Variants in RANBP9 observed in about 807,000 individuals in gnomAD.
RANBP9 encodes ran-binding protein 9.
A neutral mutation model predicts 84.3 loss-of-function variants in RANBP9; 15 were observed. The observed-to-expected ratio is 0.18, with a 90% CI of 0.12 to 0.27. RANBP9 has a LOEUF of 0.27. Among genes scored for constraint, RANBP9 ranks in the 10% least tolerant of loss-of-function variants. RANBP9 has a pLI of 1.00. For missense variants in RANBP9, 809 were observed against 912.8 expected (o/e 0.89, Z 1.46); for synonymous variants, 392 against 349.6 (o/e 1.12, Z -1.35).
rs147635155 is a variant in RANBP9 at position 13,632,409 on chromosome 6, T to A, written c.1908A>T (p.Arg636Ser). 2 of 1,612,304 alleles carry A rather than the reference T, an allele frequency of 1.2e-6. No homozygotes were observed. The highest frequency in any genetic ancestry group is 1.7e-6 in the Non-Finnish European group (2 of 1,179,288). Residue 636 changes from arginine to serine, a missense_variant, in exon 12 of 14, where the codon AGA becomes AGT. By Grantham distance (110) the Arg-to-Ser change is moderately radical. Around this residue, in one of 5 missense-constraint regions of RANBP9, gnomAD observed 233 missense variants for 234.4 expected, o/e 0.99. Coordinates refer to ENST00000011619, the MANE Select transcript of RANBP9 (RefSeq NM_005493.3). ...ELQAMSEQLR[R>S]DCGKNTANKK... ...TGTTTGCAGTGTTCTTGCCACAGTC[T>A]CTCCTTAGCTGTTCACTCATTGCTT...
chr6:13,702,584 C>T (rs1401428073), intron 1 of RANBP9, among the ~76,000 whole-genome samples: 1 of 152,170 alleles, frequency 6.6e-6, no homozygotes, highest in Non-Finnish European at 1.5e-5. Context: ...AGAAATGACA[C>T]AGTGGTCTCT....
rs1490844407 is a variant in RANBP9 at position 13,711,269 on chromosome 6, G to A, written c.237C>T (p.Thr79=). 4 of 986,578 alleles carry A rather than the reference G, an allele frequency of 4.1e-6. No homozygotes were observed. The highest frequency in any genetic ancestry group is 6.2e-5 in the Admixed American group (1 of 16,156). The allele number at this position is 986,578 out of a possible 1,614,324, so 61.1% of individuals were successfully genotyped here. ...GCGGCGGCGGGGGCGGCGGGGCCGC[G>A]GTGGCCGGGGGCGGCGGCGGCGGAG... ...LHPPPPPPPA[T]AAPPPPPPPP... Residue 79 remains threonine (T), a synonymous_variant, in exon 1 of 14, where the codon ACC becomes ACT. Transcript: ENST00000011619.
intron 2 of RANBP9, among the ~76,000 whole-genome samples, chr6:13,696,303 C>T (rs1757824175): frequency 6.6e-6 from 1 of 152,156 alleles, no homozygotes; most frequent in Non-Finnish European, 1.5e-5. Flanking sequence ...CCATGGAATT[C>T]TCATTTGGAA....
intron 2 of RANBP9, among the ~76,000 whole-genome samples, chr6:13,675,012 T>C (rs1430736011): frequency 6.6e-6 from 1 of 152,168 alleles, no homozygotes; most frequent in African/African-American, 2.4e-5. Flanking sequence ...TGTCAAAAGA[T>C]GTGAGACAAA....
chr6:13,637,108 C>T (rs1273911149), intron 10 of RANBP9, among the ~76,000 whole-genome samples: 5 of 152,164 alleles, frequency 3.3e-5, no homozygotes, highest in South Asian at 4.1e-4. Context: ...AATAATGTCA[C>T]TTCATGAACT....
chr6:13,634,114 T>G lies in RANBP9; in HGVS notation c.1795+317A>C, dbSNP rs753549971. Among the ~76,000 whole-genome samples the G allele has an allele frequency of 1.2e-4, 18 of 152,198 alleles. 1 individual carries two copies. Among genetic ancestry groups the G allele is most frequent in the Non-Finnish European group, 2.4e-4 (16 of 68,038 alleles). The stretch of plus-strand genomic sequence containing the variant: ...CTTACTGACTATACTGACATAAATA[T>G]AAGAAGTTCTATCATCTCCAACCTA... On this transcript the variant is annotated intron_variant, in intron 11 of 13. Transcript: ENST00000011619.
At chr6:13,673,678 T>C (rs1157835186) in intron 2 of RANBP9, among the ~76,000 whole-genome samples, 3 of 152,108 alleles carry the variant, frequency 2.0e-5, no homozygotes, top group Non-Finnish European at 4.4e-5. Flanking sequence ...GTAAATGGTA[T>C]TTAAAAATGA....
chr6:13,703,278 C>G (rs1051320637), intron 1 of RANBP9, among the ~76,000 whole-genome samples: 7 of 152,146 alleles, frequency 4.6e-5, no homozygotes, highest in Non-Finnish European at 4.4e-5. Flanking sequence ...TCAGGGTCCC[C>G]ATCTTTGGCC....
At chr6:13,633,669 C>T (rs1025097509) in intron 11 of RANBP9, among the ~76,000 whole-genome samples, 1 of 152,156 alleles carries the variant, frequency 6.6e-6, no homozygotes, top group African/African-American at 2.4e-5. Context: ...TCTTCAGAAA[C>T]TGAGGTGGCT....
intron 12 of RANBP9, among the ~76,000 whole-genome samples, chr6:13,631,419 G>A (rs1764778235): frequency 6.6e-6 from 1 of 152,166 alleles, no homozygotes; most frequent in Non-Finnish European, 1.5e-5. Flanking sequence ...TACTAATTGA[G>A]CATCTCTCAT....
At chr6:13,636,166 T>C (rs1764932727) in intron 10 of RANBP9, among the ~76,000 whole-genome samples, 1 of 152,110 alleles carries the variant, frequency 6.6e-6, no homozygotes, top group Non-Finnish European at 1.5e-5. Flanking sequence ...TGGTGGGCGG[T>C]ATCAGGGAAA....
intron 1 of RANBP9, among the ~76,000 whole-genome samples, chr6:13,710,099 C>A (rs1758235198): frequency 6.6e-6 from 1 of 152,070 alleles, no homozygotes; most frequent in Non-Finnish European, 1.5e-5. Context: ...GATTTGCTTC[C>A]AGCTTTGTTT....
At chr6:13,640,263 T>G (rs1032673994) in intron 8 of RANBP9, among the ~76,000 whole-genome samples, 1 of 152,162 alleles carries the variant, frequency 6.6e-6, no homozygotes, top group Non-Finnish European at 1.5e-5. Context: ...GCTTAACAAG[T>G]TGAAATCTGA....
At chr6:13,699,141 C>T (rs1757909699) in intron 1 of RANBP9, among the ~76,000 whole-genome samples, 1 of 152,010 alleles carries the variant, frequency 6.6e-6, no homozygotes, top group South Asian at 2.1e-4. Context: ...AATGTTTACA[C>T]ATTATATACC....
intron 10 of RANBP9, among the ~76,000 whole-genome samples, chr6:13,635,934 C>T (rs1316868671): frequency 1.3e-5 from 2 of 152,006 alleles, no homozygotes; most frequent in African/African-American, 4.8e-5. Flanking sequence ...CAGCCTCTGC[C>T]TTCCTGTAGC....
intron 2 of RANBP9, among the ~76,000 whole-genome samples, chr6:13,669,216 T>C (rs1765719881): frequency 6.6e-6 from 1 of 151,424 alleles, no homozygotes; most frequent in Non-Finnish European, 1.5e-5. Flanking sequence ...GTTGAAAAAA[T>C]GAAAGAACTG....
intron 4 of RANBP9, among the ~76,000 whole-genome samples, chr6:13,654,925 G>A (rs915724285): frequency 3.3e-5 from 5 of 152,178 alleles, no homozygotes; most frequent in Admixed American, 1.3e-4. Context: ...CCAGAACTGT[G>A]CACATACTAT....
intron 2 of RANBP9, 75 bp downstream of exon 2, chr6:13,696,710 T>C: frequency 1.6e-6 from 2 of 1,251,536 alleles, no homozygotes; most frequent in South Asian, 2.8e-5. Context: ...ATTCCAACTT[T>C]CCAATTACAT....
chr6:13,635,331 C>T (rs989908810), intron 10 of RANBP9, among the ~76,000 whole-genome samples: 1 of 152,144 alleles, frequency 6.6e-6, no homozygotes, highest in Admixed American at 6.5e-5. Context: ...TCCTTCAGAA[C>T]CATCCGCACT....
Sources: allele counts gnomAD v4.1 joint callset (sites outside exome capture counted in the v4.1 genomes callset), GRCh38; gene constraint gnomAD v4.1.1; regional missense constraint gnomAD v4.1.1; transcripts MANE v1.5; gene names NCBI Gene and HGNC (gene_info 2026-07-23, HGNC 2026-07-21).